Variants in STK38L observed in about 807,000 individuals in gnomAD.
STK38L encodes the protein serine/threonine kinase 38 like, also known as serine/threonine-protein kinase 38-like.
Under a neutral mutation model 59.7 loss-of-function variants are expected in STK38L, and 28 were observed. That is an observed-to-expected ratio of 0.47 (90% CI 0.35 to 0.64). The LOEUF is 0.64. STK38L is among the 30% of genes least tolerant of loss of function. The pLI, the probability that STK38L is intolerant of heterozygous loss-of-function variation, is 0.01. For missense variants in STK38L, 314 were observed against 555.8 expected (o/e 0.56, Z 4.37); for synonymous variants, 162 against 176.8 (o/e 0.92, Z 0.66).
intron 1 of STK38L, among the ~76,000 whole-genome samples, chr12:27,282,439 A>G (rs369854141): frequency 2.6e-5 from 4 of 152,348 alleles, no homozygotes; most frequent in Admixed American, 2.0e-4. Context: ...ACAGTCTTAA[A>G]TCATGCAGCT....
intron 1 of STK38L, among the ~76,000 whole-genome samples, chr12:27,281,789 C>G (rs980398718): frequency 3.3e-5 from 5 of 152,098 alleles, no homozygotes; most frequent in Admixed American, 3.3e-4. Flanking sequence ...AATCCCAGCA[C>G]TTTGGGAGGC....
intron 1 of STK38L, among the ~76,000 whole-genome samples, chr12:27,272,409 G>T (rs1943442430): frequency 6.6e-6 from 1 of 152,216 alleles, no homozygotes; most frequent in Non-Finnish European, 1.5e-5. Flanking sequence ...ACTTTGCCAT[G>T]CGATTTAAAT....
chr12:27,300,760 A>G (rs931653111), intron 2 of STK38L, among the ~76,000 whole-genome samples: 1 of 152,236 alleles, frequency 6.6e-6, no homozygotes, highest in African/African-American at 2.4e-5. Flanking sequence ...GTTGGAGAAT[A>G]TGCTCTTAGG....
chr12:27,267,184 G>A (rs1243926215), intron 1 of STK38L, among the ~76,000 whole-genome samples: 14 of 152,152 alleles, frequency 9.2e-5, no homozygotes, highest in Non-Finnish European at 1.9e-4. Flanking sequence ...GGGAATAAAC[G>A]TTAAATTGTT....
At chr12:27,250,353 A>G (rs1591840571) in intron 1 of STK38L, among the ~76,000 whole-genome samples, 2 of 152,226 alleles carry the variant, frequency 1.3e-5, no homozygotes, top group African/African-American at 4.8e-5. Context: ...TGAACATTTA[A>G]TATGAAGCAT....
chr12:27,267,992 C>T (rs1249495526), intron 1 of STK38L, among the ~76,000 whole-genome samples: 1 of 152,082 alleles, frequency 6.6e-6, no homozygotes, highest in Non-Finnish European at 1.5e-5. Flanking sequence ...CAGAATAGTA[C>T]CTGAGACATA....
intron 1 of STK38L, among the ~76,000 whole-genome samples, chr12:27,281,887 T>C (rs537849869): frequency 4.9e-4 from 74 of 151,888 alleles, no homozygotes; most frequent in Admixed American, 7.2e-4. Context: ...ATACAAAAAA[T>C]CAGCCGGGCG....
At position 27,296,481 on chromosome 12, in the gene STK38L, T is replaced by G. The variant is rs1425112247; in HGVS notation, c.-11-1229T>G. ...TAATTGTTTGCTTTCAACCTACACT[T>G]GACTTGCTTGACATCTTTTGGTTCA... is the stretch of plus-strand genomic sequence containing the variant. On this transcript the variant is annotated intron_variant, in intron 1 of 13. Coordinates refer to ENST00000389032, the MANE Select transcript of STK38L (RefSeq NM_015000.4). Among the ~76,000 whole-genome samples, 6 of 152,354 alleles carry G rather than the reference T, an allele frequency of 3.9e-5. No homozygotes were observed. The East Asian group carries it at 1.2e-3, about 29-fold the overall frequency.
chr12:27,258,996 G>A (rs1943147707), intron 1 of STK38L, among the ~76,000 whole-genome samples: 2 of 152,150 alleles, frequency 1.3e-5, no homozygotes, highest in Non-Finnish European at 1.5e-5. Flanking sequence ...ATGGAGAGTG[G>A]AGCTTGTTAA....
chr12:27,322,434 C>T lies in STK38L; in HGVS notation c.1374C>T (p.Tyr458=). 6.2e-7 allele frequency: 1 copy of T among 1,613,074 alleles called. No individual in the cohort carries two copies. The highest frequency in any genetic ancestry group is 8.5e-7 in the Non-Finnish European group (1 of 1,179,646). Residue 458 remains tyrosine (Y), a synonymous_variant, in exon 14 of 14, where the codon TAC becomes TAT. Coordinates refer to ENST00000389032, the MANE Select transcript of STK38L (RefSeq NM_015000.4). The stretch of plus-strand genomic sequence containing the variant: ...CTCAACGTGGCTCTATCCCCACCTA[C>T]ATGAAAGCTGGGAAGTTATGAATGA... The part of the protein sequence containing the change: ...GLTQRGSIPT[Y]MKAGKL
intron 5 of STK38L, among the ~76,000 whole-genome samples, chr12:27,309,994 T>A (rs1042684448): frequency 6.6e-6 from 1 of 152,158 alleles, no homozygotes; most frequent in Non-Finnish European, 1.5e-5. Flanking sequence ...TTTTTGAATA[T>A]TTAAGGAGAG....
At chr12:27,256,113 C>G (rs1326090230) in intron 1 of STK38L, among the ~76,000 whole-genome samples, 2 of 152,212 alleles carry the variant, frequency 1.3e-5, no homozygotes, top group Non-Finnish European at 2.9e-5. Context: ...TGCTCTTCCT[C>G]CAGTGCCAGA....
At chr12:27,283,179 A>G (rs1042086260) in intron 1 of STK38L, among the ~76,000 whole-genome samples, 12 of 152,222 alleles carry the variant, frequency 7.9e-5, no homozygotes, top group African/African-American at 2.9e-4. Context: ...CTTTCAAAAA[A>G]GCAGTTTACA....
chr12:27,308,492 G>C lies in STK38L; in HGVS notation c.309+31G>C, dbSNP rs1390998065. The C allele has an allele frequency of 6.5e-7, 1 of 1,532,228 alleles. No homozygotes were observed. The highest frequency in any genetic ancestry group is 8.8e-7 in the Non-Finnish European group (1 of 1,141,872). The allele number at this position is 1,532,228 out of a possible 1,614,324, so 94.9% of individuals were successfully genotyped here. A position where few individuals can be genotyped will look rare whatever the true frequency, so the allele number is the denominator to read the frequency against. Reference sequence around the variant, plus strand: ...CTTCTTTTTAAAAGTCACTACTGCTGCAAATATATATCTTAAGATAATTTA... The same window carrying C: ...CTTCTTTTTAAAAGTCACTACTGCTCCAAATATATATCTTAAGATAATTTA... On this transcript the variant is annotated intron_variant, in intron 4 of 13. Transcript: ENST00000389032. This position sits in a 1 kb window ranked among gnomAD's most constrained non-coding sequence, Gnocchi z 4.5.
At chr12:27,279,922 C>G (rs976160070) in intron 1 of STK38L, among the ~76,000 whole-genome samples, 4 of 152,088 alleles carry the variant, frequency 2.6e-5, no homozygotes, top group Admixed American at 2.0e-4. Flanking sequence ...CTTAGGGAGA[C>G]AGGTTCCAAT....
chr12:27,312,789 C>G, intron 6 of STK38L, 117 bp downstream of exon 6: 1 of 1,267,284 alleles, frequency 7.9e-7, no homozygotes, highest in Non-Finnish European at 1.1e-6. Flanking sequence ...TACATAGTCA[C>G]AGTTTAAAAA....
chr12:27,279,657 G>A (rs1310699037), intron 1 of STK38L, among the ~76,000 whole-genome samples: 1 of 148,856 alleles, frequency 6.7e-6, no homozygotes, highest in Non-Finnish European at 1.5e-5. Context: ...AACCCAGGAG[G>A]CAGAAGTTTC....
At chr12:27,250,462 C>T (rs1250261208) in intron 1 of STK38L, among the ~76,000 whole-genome samples, 2 of 152,144 alleles carry the variant, frequency 1.3e-5, no homozygotes, top group Non-Finnish European at 2.9e-5. Context: ...GTTCTTGATT[C>T]CTTTTTCTTT....
At chr12:27,245,665 TGAATTAGC>T (rs1565518280) in intron 1 of STK38L, 1 of 152,126 alleles carries the variant, frequency 6.6e-6, no homozygotes, top group African/African-American at 2.4e-5. Flanking sequence ...GTATTGTATG[TGAATTAGC>T]CACCCTTGTG....
Sources: gnomAD v4.1 joint callset for allele counts (sites outside exome capture counted in the v4.1 genomes callset) on GRCh38, gnomAD v4.1.1 for gene constraint, Gnocchi (gnomAD v3.1) non-coding constraint, MANE v1.5 for transcripts, NCBI Gene and HGNC (gene_info 2026-07-23, HGNC 2026-07-21) for gene names.